Variants in LGALS16 observed in about 807,000 individuals in gnomAD.
LGALS16 encodes the protein galectin 16, also known as galectin-16.
Under a neutral mutation model 13.2 loss-of-function variants are expected in LGALS16, and 15 were observed. The ratio of observed to expected loss-of-function variants is 1.13; its 90% CI spans 0.76 to 1.75. The LOEUF (loss-of-function observed/expected upper bound fraction) is 1.75. Among genes scored for constraint, LGALS16 ranks in the 40% most tolerant of loss-of-function variants. The pLI, the probability that LGALS16 is intolerant of heterozygous loss-of-function variation, is 0.00. For synonymous variants in LGALS16, 66 were observed against 65.4 expected, an observed-to-expected ratio of 1.01 and a Z score of -0.05; for missense variants, 198 against 178.4, an observed-to-expected ratio of 1.11 and a Z score of -0.63.
Position 39,658,443 on chromosome 19 carries a change from G to T in LGALS16, c.93-17G>T. ...AATGAAGGAACCTGTCCAATATGCT[G>T]TGTGCTTTGCCCTCAGCAACGAACC... On this transcript the variant is annotated splice_polypyrimidine_tract_variant and intron_variant, in intron 2 of 3. Coordinates refer to ENST00000392051, the MANE Select transcript of LGALS16 (RefSeq NM_001190441.3). 1 of 1,577,936 alleles carries T rather than the reference G, an allele frequency of 6.3e-7. No homozygotes were observed. The highest frequency in any genetic ancestry group is 8.6e-7 in the Non-Finnish European group (1 of 1,164,486).
chr19:39,656,741 C>T (rs1320870747), intron 1 of LGALS16, among the ~76,000 whole-genome samples: 1 of 151,988 alleles, frequency 6.6e-6, no homozygotes, highest in South Asian at 2.1e-4. Context: ...ACAGAGTGAC[C>T]ACTGTCTCTT....
At chr19:39,659,054 C>T (rs1013623790) in intron 3 of LGALS16, among the ~76,000 whole-genome samples, 12 of 151,792 alleles carry the variant, frequency 7.9e-5, no homozygotes, top group African/African-American at 2.4e-4. Flanking sequence ...TCTACTCATA[C>T]GAATAACATT....
At chr19:39,660,122 G>A (rs1973242770) in intron 3 of LGALS16, among the ~76,000 whole-genome samples, 1 of 152,206 alleles carries the variant, frequency 6.6e-6, no homozygotes, top group Non-Finnish European at 1.5e-5. Context: ...TGGTAATGGG[G>A]TTGTCCAGGT....
In LGALS16 at chr19:39,660,407, G is replaced by C; in HGVS notation, c.316G>C (p.Gly106Arg). Reference sequence around the variant, plus strand: ...TTTCCTCTTAAAGGTAAAGGTAAATGGTGAATACATTTATGCCTTTGTCCA... The same window carrying C: ...TTTCCTCTTAAAGGTAAAGGTAAATCGTGAATACATTTATGCCTTTGTCCA... ...CHNEYEVKVN[G>R]EYIYAFVHRI... Residue 106 changes from glycine (G) to arginine (R), a missense_variant, in exon 4 of 4, where the codon GGT (glycine) becomes CGT (arginine). By Grantham distance (125) the Gly-to-Arg change is moderately radical. Coordinates refer to ENST00000392051, the MANE Select transcript of LGALS16 (RefSeq NM_001190441.3). 6.5e-7 allele frequency: 1 copy of C among 1,540,662 alleles called. No individual in the cohort carries two copies.
intron 1 of LGALS16, among the ~76,000 whole-genome samples, chr19:39,657,192 G>T (rs1973204128): frequency 6.6e-6 from 1 of 152,148 alleles, no homozygotes; most frequent in Admixed American, 6.5e-5. Context: ...TGCAGCCCAG[G>T]AGTTCAACGT....
chr19:39,658,736 T>C (rs1191318964), intron 3 of LGALS16, 66 bp downstream of exon 3: 9 of 1,062,862 alleles, frequency 8.5e-6, no homozygotes, highest in Non-Finnish European at 1.3e-5. Context: ...TCAGCTCTCA[T>C]TGACCTGGCC....
chr19:39,658,100 C>T, intron 2 of LGALS16, 141 bp downstream of exon 2: 1 of 975,280 alleles, frequency 1.0e-6, no homozygotes, highest in Non-Finnish European at 1.5e-6. Context: ...TGGAGACCCT[C>T]CAGCACCAGG....
intron 3 of LGALS16, among the ~76,000 whole-genome samples, chr19:39,659,451 T>C (rs976874712): frequency 6.6e-6 from 1 of 152,170 alleles, no homozygotes; most frequent in Non-Finnish European, 1.5e-5. Flanking sequence ...AAGTAAATCC[T>C]GGTATGTTGC....
In LGALS16 at chr19:39,657,937, G is replaced by C. The variant is rs1217763032; in HGVS notation, c.70G>C (p.Gly24Arg). 1.2e-6 allele frequency: 2 copies of C among 1,613,998 alleles called. No individual in the cohort carries two copies. Among genetic ancestry groups the C allele is most frequent in the South Asian group, 1.1e-5 (1 of 91,080 alleles). The change falls in exon 2 of 4, where the codon GGG becomes CGG. Residue 24 changes from glycine (G) to arginine (R), a missense_variant. By Grantham distance (125) the Gly-to-Arg change is moderately radical. Coordinates refer to ENST00000392051, the MANE Select transcript of LGALS16 (RefSeq NM_001190441.3). ...TGTTGGTTCCTGCGTGATAATCAAA[G>C]GGACACTGATCGACTCTTCTATGTG... The part of the protein sequence containing the change: ...LSVGSCVIIK[G>R]TLIDSSINEP...
At chr19:39,659,370 G>A (rs1356344550) in intron 3 of LGALS16, among the ~76,000 whole-genome samples, 11 of 152,156 alleles carry the variant, frequency 7.2e-5, no homozygotes, top group Middle Eastern at 3.4e-3. Context: ...ATATGCCACC[G>A]TGCCAACCCC....
chr19:39,659,788 T>C (rs1215165303), intron 3 of LGALS16, among the ~76,000 whole-genome samples: 1 of 152,242 alleles, frequency 6.6e-6, no homozygotes, highest in African/African-American at 2.4e-5. Context: ...TTTCTTACTT[T>C]CTCTAACGAG....
chr19:39,656,374 C>A (rs76044226), intron 1 of LGALS16, among the ~76,000 whole-genome samples: 1 of 152,138 alleles, frequency 6.6e-6, no homozygotes, highest in African/African-American at 2.4e-5. Flanking sequence ...TCTTTATGTG[C>A]GCAGTGAGCA....
intron 3 of LGALS16, among the ~76,000 whole-genome samples, chr19:39,659,160 C>T (rs369254954): frequency 2.0e-5 from 3 of 149,300 alleles, no homozygotes; most frequent in South Asian, 2.1e-4. Flanking sequence ...AGGGCAGTGA[C>T]GTGATCTCAG....
chr19:39,660,407 G>A lies in LGALS16; in HGVS notation c.316G>A (p.Gly106Ser), dbSNP rs190910422. Residue 106 changes from glycine to serine, a missense_variant, in exon 4 of 4, where the codon GGT becomes AGT. Physicochemically the swap from Gly to Ser is moderately conservative, Grantham distance 56. Transcript: ENST00000392051. ...TTTCCTCTTAAAGGTAAAGGTAAAT[G>A]GTGAATACATTTATGCCTTTGTCCA... ...CHNEYEVKVN[G>S]EYIYAFVHRI... 1 of 1,540,544 alleles carries A rather than the reference G, an allele frequency of 6.5e-7. No homozygotes were observed. The highest frequency in any genetic ancestry group is 1.4e-5 in the African/African-American group (1 of 73,144).
chr19:39,658,702 C>A (rs73048204), intron 3 of LGALS16, 32 bp downstream of exon 3: 381 of 1,392,588 alleles, frequency 2.7e-4, no homozygotes, highest in Non-Finnish European at 3.6e-4. Flanking sequence ...AGTACCCAGG[C>A]TCTTTGGGAT....
At chr19:39,656,602 G>T (rs958301166) in intron 1 of LGALS16, among the ~76,000 whole-genome samples, 11 of 152,218 alleles carry the variant, frequency 7.2e-5, no homozygotes, top group African/African-American at 2.4e-4. Flanking sequence ...TGGAGATTGT[G>T]AGTTACCAAG....
In LGALS16 at chr19:39,657,913, G is replaced by A. The variant is rs761833031; in HGVS notation, c.46G>A (p.Val16Ile). 52 of 1,613,890 alleles carry A rather than the reference G, an allele frequency of 3.2e-5. No individual in the cohort carries two copies. The highest frequency in any genetic ancestry group is 4.2e-5 in the Non-Finnish European group (49 of 1,180,010). Residue 16 changes from valine to isoleucine, a missense_variant, in exon 2 of 4, where the codon GTT becomes ATT. By Grantham distance (29) the Val-to-Ile change is conservative (BLOSUM62 3). Transcript: ENST00000392051. ...VPYKLPVSLSVGSCVIIKGTL... is the reference protein window; with the variant it reads ...VPYKLPVSLSIGSCVIIKGTL... ...ATACAAACTGCCTGTGTCTTTGTCT[G>A]TTGGTTCCTGCGTGATAATCAAAGG...
chr19:39,658,437 T>C (rs748035302), intron 2 of LGALS16, 23 bp from the exon 3 acceptor site: 2 of 1,561,016 alleles, frequency 1.3e-6, no homozygotes, highest in Non-Finnish European at 1.7e-6. Context: ...ACCTGTCCAA[T>C]ATGCTGTGTG....
intron 1 of LGALS16, 64 bp from the exon 2 acceptor site, chr19:39,657,819 A>G (rs753900782): frequency 3.2e-6 from 5 of 1,565,394 alleles, no homozygotes; most frequent in Admixed American, 1.7e-5. Context: ...CCATGGGAAT[A>G]TGTTACAGGA....
Sources: allele counts gnomAD v4.1 joint callset (sites outside exome capture counted in the v4.1 genomes callset), GRCh38; gene constraint gnomAD v4.1.1; transcripts MANE v1.5; gene names NCBI Gene and HGNC (gene_info 2026-07-23, HGNC 2026-07-21).